SGCZ: variants seen among roughly 807,000 people sequenced by gnomAD.
SGCZ encodes the protein sarcoglycan zeta.
SGCZ carries 40 observed loss-of-function variants against 41.3 expected under a neutral mutation model. The ratio of observed to expected loss-of-function variants is 0.97; its 90% CI spans 0.75 to 1.26. The LOEUF (loss-of-function observed/expected upper bound fraction) is 1.26, where lower values mean the gene tolerates loss of function less well. SGCZ is among the 50% of genes most tolerant of loss of function. The pLI is 0.00. For synonymous variants in SGCZ, 206 were observed against 137.5 expected (o/e 1.50, Z -3.49); for missense variants, 552 against 369.8 (o/e 1.49, Z -4.04).
intron 4 of SGCZ, among the ~76,000 whole-genome samples, chr8:14,168,975 T>C (rs763576191): frequency 5.9e-5 from 9 of 152,146 alleles, no homozygotes; most frequent in African/African-American, 1.9e-4. Context: ...ATTTGACCGA[T>C]GAGGAAACCA....
chr8:14,984,748 C>G lies in SGCZ; in HGVS notation c.39+252837G>C, dbSNP rs17120666. On this transcript the variant is annotated intron_variant, in intron 1 of 7. Transcript: ENST00000382080. The stretch of plus-strand genomic sequence containing the variant: ...TAATTTATGTAATGTTCTTCCAAGA[C>G]ACTTTTAATCATTGAGCTACAATTA... Among the ~76,000 whole-genome samples, 1,022 of 152,266 alleles carry G rather than the reference C, an allele frequency of 6.7e-3. 9 individuals carry two copies. Among genetic ancestry groups the G allele is most frequent in the African/African-American group, 0.023 (956 of 41,558 alleles).
intron 2 of SGCZ, among the ~76,000 whole-genome samples, chr8:14,403,392 T>C (rs1482869886): frequency 6.6e-6 from 1 of 151,316 alleles, no homozygotes; most frequent in East Asian, 1.9e-4. Flanking sequence ...ATGCTTCCAG[T>C]TTTTGCCCAT....
chr8:14,556,865 TG>T (rs1804049445), intron 1 of SGCZ, among the ~76,000 whole-genome samples: 1 of 152,088 alleles, frequency 6.6e-6, no homozygotes. Context: ...TCCATATTTT[TG>T]TAATTGTGAA....
intron 1 of SGCZ, among the ~76,000 whole-genome samples, chr8:14,944,080 G>T (rs1197521261): frequency 6.6e-6 from 1 of 151,956 alleles, no homozygotes; most frequent in Non-Finnish European, 1.5e-5. Flanking sequence ...CTCAAGAATT[G>T]CCTGTTAAAC....
chr8:14,410,787 C>G (rs79810279), intron 2 of SGCZ, among the ~76,000 whole-genome samples: 1 of 151,950 alleles, frequency 6.6e-6, no homozygotes, highest in Admixed American at 6.6e-5. Flanking sequence ...ATACAAAAAC[C>G]AATGAAACGA....
chr8:14,193,067 A>C (rs527824294), intron 4 of SGCZ, among the ~76,000 whole-genome samples: 12 of 151,858 alleles, frequency 7.9e-5, no homozygotes, highest in Non-Finnish European at 1.6e-4. Flanking sequence ...TCTATGAAAG[A>C]CTGTATCTTA....
chr8:14,358,988 T>G (rs1803404679), intron 2 of SGCZ, among the ~76,000 whole-genome samples: 1 of 152,122 alleles, frequency 6.6e-6, no homozygotes, highest in Admixed American at 6.6e-5. Flanking sequence ...TTTTGTTTTT[T>G]GAAAATTAAC....
intron 1 of SGCZ, among the ~76,000 whole-genome samples, chr8:14,986,080 A>G (rs71524138): frequency 1.3e-5 from 2 of 152,098 alleles, no homozygotes; most frequent in Non-Finnish European, 2.9e-5. Flanking sequence ...AAATATATGA[A>G]CAATATATAC....
chr8:14,600,594 A>G (rs1805559812), intron 1 of SGCZ, among the ~76,000 whole-genome samples: 1 of 152,188 alleles, frequency 6.6e-6, no homozygotes, highest in African/African-American at 2.4e-5. Context: ...GGATGCAGGT[A>G]TAATCCATTA....
rs530892766 is a variant in SGCZ at position 14,707,331 on chromosome 8, G to A, written c.40-152405C>T. Among the ~76,000 whole-genome samples, 5 of 152,032 alleles carry A rather than the reference G, an allele frequency of 3.3e-5. No homozygotes were observed. In the South Asian group the frequency reaches 8.3e-4, roughly 25 times the overall value. ...GTGAGCTCTTGATGTGTGTACACAT[G>A]TATTCAGCCATTAGAAAATTTAACA... On this transcript the variant is annotated intron_variant, in intron 1 of 7. Transcript: ENST00000382080.
chr8:14,536,349 T>C (rs1219230858), intron 2 of SGCZ, among the ~76,000 whole-genome samples: 1 of 151,880 alleles, frequency 6.6e-6, no homozygotes, highest in Non-Finnish European at 1.5e-5. Flanking sequence ...TGATCTGAAA[T>C]CATTGATTTT....
At chr8:14,326,223 G>C (rs992004391) in intron 2 of SGCZ, among the ~76,000 whole-genome samples, 5 of 151,528 alleles carry the variant, frequency 3.3e-5, no homozygotes, top group African/African-American at 4.8e-5. Flanking sequence ...ATAAATTCTT[G>C]GATGATGTCA....
chr8:15,214,346 C>G (rs1352130590), intron 1 of SGCZ, among the ~76,000 whole-genome samples: 1 of 152,082 alleles, frequency 6.6e-6, no homozygotes, highest in Non-Finnish European at 1.5e-5. Flanking sequence ...ATTTAAATCA[C>G]TTTAAACAGT....
chr8:14,925,946 G>GT (rs1799734121), intron 1 of SGCZ, among the ~76,000 whole-genome samples: 1 of 152,204 alleles, frequency 6.6e-6, no homozygotes, highest in African/African-American at 2.4e-5. Flanking sequence ...CAGAGATGTT[G>GT]TTTTTTACAC....
intron 1 of SGCZ, among the ~76,000 whole-genome samples, chr8:15,018,258 AGC>A (rs1803115172): frequency 6.6e-6 from 1 of 152,202 alleles, no homozygotes; most frequent in Non-Finnish European, 1.5e-5. Context: ...CACTGTTCTA[AGC>A]TCAGAGATGT....
intron 4 of SGCZ, among the ~76,000 whole-genome samples, chr8:14,200,745 G>A (rs1805428814): frequency 6.6e-6 from 1 of 152,046 alleles, no homozygotes; most frequent in Non-Finnish European, 1.5e-5. Context: ...GTGAGTCAAT[G>A]ATCTTATTAA....
At chr8:15,089,026 A>G (rs986301142) in intron 1 of SGCZ, among the ~76,000 whole-genome samples, 1 of 152,186 alleles carries the variant, frequency 6.6e-6, no homozygotes, top group Admixed American at 6.5e-5. Context: ...CATAGAAGAT[A>G]TTAATGAGCA....
At chr8:14,600,637 G>A (rs1041033586) in intron 1 of SGCZ, among the ~76,000 whole-genome samples, 1 of 152,120 alleles carries the variant, frequency 6.6e-6, no homozygotes, top group Admixed American at 6.6e-5. Flanking sequence ...AGGAATAAAT[G>A]CATTTGCTGA....
intron 1 of SGCZ, among the ~76,000 whole-genome samples, chr8:15,028,987 C>A (rs116305919): frequency 2.6e-5 from 4 of 152,006 alleles, no homozygotes; most frequent in Non-Finnish European, 4.4e-5. Context: ...TTCCTGCATA[C>A]TGATGAACTA....
Sources: allele counts gnomAD v4.1 joint callset (sites outside exome capture counted in the v4.1 genomes callset), GRCh38; gene constraint gnomAD v4.1.1; transcripts MANE v1.5; gene names NCBI Gene and HGNC (gene_info 2026-07-23, HGNC 2026-07-21).